The following CDK13 variants were observed in gnomAD, a reference collection of about 807,000 sequenced individuals.
The protein encoded by CDK13 is cyclin-dependent kinase 13.
CDK13 carries 40 observed loss-of-function variants against 137.6 expected under a neutral mutation model. That is an observed-to-expected ratio of 0.29 (90% CI 0.23 to 0.38). The LOEUF is 0.38. CDK13 is among the 10% of genes least tolerant of loss of function. The probability of loss-of-function intolerance (pLI) is 1.00; values close to 1 mark genes in which losing one functional copy is unlikely to be tolerated. For missense variants in CDK13, 1,704 were observed against 1,951.8 expected (o/e 0.87, Z 2.39); for synonymous variants, 869 against 760.1 (o/e 1.14, Z -2.36).
At chr7:40,057,056 A>G (rs1584048209) in intron 7 of CDK13, among the ~76,000 whole-genome samples, 3 of 152,220 alleles carry the variant, frequency 2.0e-5, no homozygotes, top group African/African-American at 7.2e-5. Flanking sequence ...GGAGTTCAAG[A>G]CCAGCCTGGC....
At chr7:40,071,000 C>G (rs1294510398) in intron 9 of CDK13, 3 of 152,024 alleles carry the variant, frequency 2.0e-5, no homozygotes, top group Admixed American at 6.6e-5. Context: ...GCCACCTCAC[C>G]CAGTACACAC....
intron 1 of CDK13, among the ~76,000 whole-genome samples, chr7:39,961,842 T>A (rs182758893): frequency 6.6e-6 from 1 of 152,216 alleles, no homozygotes; most frequent in Admixed American, 6.5e-5. Flanking sequence ...AGTGTCCATG[T>A]GTTCTCATTG....
chr7:40,016,832 T>C (rs1361877527), intron 5 of CDK13, among the ~76,000 whole-genome samples: 10 of 152,156 alleles, frequency 6.6e-5, no homozygotes, highest in Non-Finnish European at 1.5e-5. Context: ...AGTGGTAGTG[T>C]TTTAAAAAAT....
At chr7:39,997,876 TA>T in intron 3 of CDK13, 1 of 465,052 alleles carries the variant, frequency 2.2e-6, no homozygotes, top group Non-Finnish European at 3.8e-6. Flanking sequence ...TTTTCTCTCG[TA>T]ATTTGTAATG....
rs1786992272 is a variant in CDK13 at position 40,094,206 on chromosome 7, G to C, written c.3765G>C (p.Leu1255=). 6.2e-7 allele frequency: 1 copy of C among 1,613,736 alleles called. No homozygotes were observed. Among genetic ancestry groups the C allele is most frequent in the Non-Finnish European group, 8.5e-7 (1 of 1,179,970 alleles). Residue 1255 remains leucine, a synonymous_variant, in exon 14 of 14, where the codon CTG becomes CTC. Coordinates refer to ENST00000181839, the MANE Select transcript of CDK13 (RefSeq NM_003718.5). ...CAGAACCAGACCGGCCTCGAATTCTGCCTCCTGACCAACGACCTCCCGAGC... is the reference window on the plus strand; with the variant it reads ...CAGAACCAGACCGGCCTCGAATTCTCCCTCCTGACCAACGACCTCCCGAGC... ...LTPEPDRPRI[L]PPDQRPPEPP...
intron 12 of CDK13, among the ~76,000 whole-genome samples, chr7:40,090,732 A>G (rs1786903006): frequency 6.6e-6 from 1 of 152,114 alleles, no homozygotes; most frequent in Non-Finnish European, 1.5e-5. Context: ...AAAAAATACA[A>G]AAATTAGCCT....
In CDK13 at chr7:40,086,901, C is replaced by T. The variant is rs148618577; in HGVS notation, c.3030-1225C>T. ...GATCTTGGCTCTCTGCAGCCTCTGC[C>T]TCCTGGGCTGAAGCCATCCTCCCAC... is the stretch of plus-strand genomic sequence containing the variant. On this transcript the variant is annotated intron_variant, in intron 11 of 13. Coordinates refer to ENST00000181839, the MANE Select transcript of CDK13 (RefSeq NM_003718.5). Among the ~76,000 whole-genome samples, 1,013 of 151,262 alleles carry T rather than the reference C, an allele frequency of 6.7e-3. 11 individuals are homozygous for T. Among genetic ancestry groups the T allele is most frequent in the African/African-American group, 0.023 (943 of 41,176 alleles).
chr7:40,022,149 A>G (rs2150497560), intron 5 of CDK13, among the ~76,000 whole-genome samples: 1 of 152,340 alleles, frequency 6.6e-6, no homozygotes. Flanking sequence ...TTTGAGGACC[A>G]GAGTTTTCTT....
chr7:39,963,242 C>A (rs1379794914), intron 1 of CDK13, among the ~76,000 whole-genome samples: 2 of 152,178 alleles, frequency 1.3e-5, no homozygotes, highest in African/African-American at 4.8e-5. Flanking sequence ...GATATTGATT[C>A]TTCCTACCCA....
chr7:40,024,143 A>G (rs1785187605), intron 5 of CDK13, among the ~76,000 whole-genome samples: 1 of 152,064 alleles, frequency 6.6e-6, no homozygotes, highest in African/African-American at 2.4e-5. Flanking sequence ...GATTCCCTCA[A>G]GTTCCTAGGT....
At chr7:40,082,790 CAAAA>C (rs76440638) in intron 11 of CDK13, among the ~76,000 whole-genome samples, 2 of 61,114 alleles carry the variant, frequency 3.3e-5, no homozygotes. Flanking sequence ...GACTCTGCCT[CAAAA>C]AAAAAAAAAA....
Position 40,078,850 on chromosome 7 carries a change from G to C in CDK13, c.3028G>C (p.Asp1010His). 2 of 1,393,308 alleles carry C rather than the reference G, an allele frequency of 1.4e-6. No individual in the cohort carries two copies. The highest frequency in any genetic ancestry group is 1.9e-6 in the Non-Finnish European group (2 of 1,058,830). 86.3% of individuals were successfully genotyped at this position (1,393,308 alleles called of 1,614,324 possible). The change falls in exon 11 of 14, where the codon GAT becomes CAT. Residue 1010 changes from aspartate to histidine, a missense_variant and splice_region_variant. Transcript: ENST00000181839. ...DVEPSKMPPP[D>H]LPLWQDCHEL... is the part of the protein sequence containing the mutation. Reference sequence around the variant, plus strand: ...GGAACCCTCAAAAATGCCTCCACCAGAGTAAGTGACTTTTTATCCTATTAT... The same window carrying C: ...GGAACCCTCAAAAATGCCTCCACCACAGTAAGTGACTTTTTATCCTATTAT...
intron 2 of CDK13, among the ~76,000 whole-genome samples, chr7:39,989,086 CAA>C (rs1213730855): frequency 1.5e-4 from 7 of 46,678 alleles, no homozygotes; most frequent in African/African-American, 2.8e-4. Context: ...CGTGTCTCAC[CAA>C]AAAAAAAAAA....
At chr7:39,983,691 A>G (rs1248034728) in intron 1 of CDK13, among the ~76,000 whole-genome samples, 1 of 152,146 alleles carries the variant, frequency 6.6e-6, no homozygotes, top group African/African-American at 2.4e-5. Flanking sequence ...CCTTTCTGCT[A>G]CTCATCAGTA....
At chr7:40,034,395 G>A (rs748618331) in intron 5 of CDK13, among the ~76,000 whole-genome samples, 73 of 152,246 alleles carry the variant, frequency 4.8e-4, no homozygotes, top group South Asian at 1.5e-3. Flanking sequence ...TTTGAGTATG[G>A]AATGGCAGTT....
chr7:40,068,707 G>GAAAAAAAAAAA (rs1158145409), intron 9 of CDK13, among the ~76,000 whole-genome samples: 1 of 47,082 alleles, frequency 2.1e-5, no homozygotes, highest in African/African-American at 7.9e-5. Flanking sequence ...CTATGTCTCA[G>GAAAAAAAAAAA]AAAAAAAAAA....
chr7:40,030,296 GTCAT>G (rs1211244329), intron 5 of CDK13, among the ~76,000 whole-genome samples: 11 of 151,332 alleles, frequency 7.3e-5, no homozygotes, highest in Non-Finnish European at 1.5e-4. Flanking sequence ...GAGAGAGAAA[GTCAT>G]TCAGTCAGTC....
rs747924178 is a variant in CDK13, at chr7:40,078,818, G to A, written c.2996G>A (p.Arg999Gln). Residue 999 changes from arginine to glutamine, a missense_variant, in exon 11 of 14, where the codon CGA becomes CAA. Arg to Gln is a conservative substitution (Grantham distance 43, BLOSUM62 1). This residue lies in a region of CDK13 where 45 missense variants were observed against 57.0 expected (regional missense o/e 0.79). Transcript: ENST00000181839. Reference sequence around the variant, plus strand: ...CAGGCTCTTCAGTGCGAGTTCCTCCGAGATGTGGAACCCTCAAAAATGCCT... The same window carrying A: ...CAGGCTCTTCAGTGCGAGTTCCTCCAAGATGTGGAACCCTCAAAAATGCCT... ...AEQALQCEFL[R>Q]DVEPSKMPPP... 3.1e-5 allele frequency: 46 copies of A among 1,498,788 alleles called. No homozygotes were observed. The South Asian group carries it at 5.5e-4, about 18-fold the overall frequency. The allele number at this position is 1,498,788 out of a possible 1,614,324, so 92.8% of individuals were successfully genotyped here.
Position 40,012,515 on chromosome 7 carries a change from G to C in CDK13, c.2353+10484G>C, listed in dbSNP as rs150796650. ...CTCAGGAGGCTGAGGTGGGAGGATT[G>C]CTTGAGCCCAGGAGTTTGAAGCTGC... On this transcript the variant is annotated intron_variant, in intron 5 of 13. Coordinates refer to ENST00000181839, the MANE Select transcript of CDK13 (RefSeq NM_003718.5). 6.6e-5 allele frequency among the ~76,000 whole-genome samples: 10 copies of C among 152,010 alleles called. No homozygotes were observed. The East Asian group carries it at 1.7e-3, about 26-fold the overall frequency.
Sources: allele counts gnomAD v4.1 joint callset (sites outside exome capture counted in the v4.1 genomes callset), GRCh38; gene constraint gnomAD v4.1.1; regional missense constraint gnomAD v4.1.1; transcripts MANE v1.5; gene names NCBI Gene and HGNC (gene_info 2026-07-23, HGNC 2026-07-21).